PPP2R2C: variants seen among roughly 807,000 people sequenced by gnomAD.
PPP2R2C encodes the protein protein phosphatase 2 regulatory subunit Bgamma, also known as protein phosphatase 2, regulatory subunit B, gamma.
Under a neutral mutation model 45.3 loss-of-function variants are expected in PPP2R2C, and 10 were observed. The ratio of observed to expected loss-of-function variants is 0.22; its 90% confidence interval spans 0.14 to 0.37. The LOEUF is 0.37. PPP2R2C is among the 10% of genes least tolerant of loss of function. The probability of loss-of-function intolerance (pLI) is 1.00; values close to 1 mark genes in which losing one functional copy is unlikely to be tolerated. For synonymous variants in PPP2R2C, 257 were observed against 245.4 expected (o/e 1.05, Z -0.44); for missense variants, 308 against 619.7 (o/e 0.50, Z 5.34).
intron 1 of PPP2R2C, among the ~76,000 whole-genome samples, chr4:6,557,500 A>G (rs1046277688): frequency 3.3e-5 from 5 of 152,172 alleles, no homozygotes; most frequent in African/African-American, 9.7e-5. Flanking sequence ...CTCTGGAGAG[A>G]GGACATGGAA....
intron 5 of PPP2R2C, among the ~76,000 whole-genome samples, chr4:6,362,067 T>C (rs1372280558): frequency 2.7e-5 from 4 of 149,374 alleles, no homozygotes; most frequent in African/African-American, 9.9e-5. Context: ...AGAGGGGGAG[T>C]GCAAGGCTCA....
chr4:6,390,097 G>A (rs1716496770), intron 1 of PPP2R2C, among the ~76,000 whole-genome samples: 1 of 152,182 alleles, frequency 6.6e-6, no homozygotes, highest in Non-Finnish European at 1.5e-5. Context: ...GGAGTTTGGG[G>A]TCTGATTCTG....
chr4:6,449,340 C>T (rs1050276482), intron 1 of PPP2R2C, among the ~76,000 whole-genome samples: 2 of 152,210 alleles, frequency 1.3e-5, no homozygotes, highest in African/African-American at 2.4e-5. Context: ...AGAGAACAGG[C>T]GCGTCTCTAA....
In PPP2R2C at chr4:6,363,814, A is replaced by G. The variant is rs77485999; in HGVS notation, c.625+8709T>C. 5.5e-3 allele frequency among the ~76,000 whole-genome samples: 842 copies of G among 152,226 alleles called. 3 individuals carry two copies. Among genetic ancestry groups the G allele is most frequent in the Middle Eastern group, 0.054 (16 of 294 alleles). On this transcript the variant is annotated intron_variant, in intron 5 of 8. Transcript: ENST00000382599. ...TCTAAATGAAAGCCAGTTTCAGGAC[A>G]CCAGTCCAGCCAAGAGAAGGGGAAA...
intron 1 of PPP2R2C, among the ~76,000 whole-genome samples, chr4:6,437,427 T>C (rs1719945244): frequency 1.3e-5 from 2 of 152,216 alleles, no homozygotes; most frequent in African/African-American, 4.8e-5. Context: ...TTCAACTGTT[T>C]CATTTTAAAG....
At chr4:6,414,070 C>G (rs1204229966) in intron 1 of PPP2R2C, 19 of 1,202,240 alleles carry the variant, frequency 1.6e-5, no homozygotes, top group Admixed American at 3.5e-5. Flanking sequence ...TAAGTTTTGC[C>G]TGTGTATGTG....
Position 6,330,436 on chromosome 4 carries a change from G to A in PPP2R2C, c.961-1083C>T, listed in dbSNP as rs1732315826. 6.6e-6 allele frequency among the ~76,000 whole-genome samples: 1 copy of A among 152,156 alleles called. No homozygotes were observed. Among genetic ancestry groups the A allele is most frequent in the Admixed American group, 6.5e-5 (1 of 15,278 alleles). ...TGTTTCTGTGAAGACATTTTGTAGG[G>A]GAGGTTAACATTTAAGCTGATATAC... is the stretch of plus-strand genomic sequence containing the variant. On this transcript the variant is annotated intron_variant, in intron 7 of 8. Transcript: ENST00000382599. The surrounding 1 kb of genome is among the most constrained non-coding windows in gnomAD (Gnocchi z 7.0).
upstream of PPP2R2C, among the ~76,000 whole-genome samples, chr4:6,472,665 G>A (rs1258641711): frequency 6.7e-6 from 1 of 150,110 alleles, no homozygotes; most frequent in East Asian, 1.9e-4. Flanking sequence ...CCTCCCTCGC[G>A]CCGCCCGCTC....
chr4:6,514,286 C>A (rs1723764132), intron 2 of PPP2R2C, among the ~76,000 whole-genome samples: 1 of 152,150 alleles, frequency 6.6e-6, no homozygotes, highest in African/African-American at 2.4e-5. Flanking sequence ...AGTTGGTATT[C>A]TCTTTGGTTC....
chr4:6,434,415 G>A (rs1719791886), intron 1 of PPP2R2C, among the ~76,000 whole-genome samples: 1 of 144,166 alleles, frequency 6.9e-6, no homozygotes, highest in South Asian at 2.2e-4. Context: ...CTAGAGTGCA[G>A]TGGCGTGATC....
At chr4:6,486,965 A>G (rs1263442969) in intron 2 of PPP2R2C, among the ~76,000 whole-genome samples, 2 of 151,930 alleles carry the variant, frequency 1.3e-5, no homozygotes, top group African/African-American at 4.8e-5. Context: ...GCATTGTTCA[A>G]TTATTCCATT....
At chr4:6,500,564 T>A (rs1345981824) in intron 2 of PPP2R2C, among the ~76,000 whole-genome samples, 2 of 152,168 alleles carry the variant, frequency 1.3e-5, no homozygotes, top group East Asian at 3.9e-4. Context: ...AAGGGGCCCA[T>A]CACAGGGGAC....
intron 1 of PPP2R2C, among the ~76,000 whole-genome samples, chr4:6,552,105 C>A (rs950594079): frequency 6.6e-6 from 1 of 152,232 alleles, no homozygotes; most frequent in African/African-American, 2.4e-5. Context: ...ACTTTTGCCA[C>A]AAGGGGAGAC....
chr4:6,396,769 G>A (rs766427549), intron 1 of PPP2R2C, among the ~76,000 whole-genome samples: 23 of 152,250 alleles, frequency 1.5e-4, no homozygotes, highest in Admixed American at 7.2e-4. Context: ...AGGTCTTCGG[G>A]TTGGGGCTGG....
intron 5 of PPP2R2C, among the ~76,000 whole-genome samples, chr4:6,363,018 G>A (rs777242170): frequency 3.3e-5 from 5 of 152,176 alleles, no homozygotes; most frequent in Non-Finnish European, 7.3e-5. Context: ...CATCGGCAGC[G>A]TGCTCAGAAC....
intron 1 of PPP2R2C, among the ~76,000 whole-genome samples, chr4:6,415,126 C>A (rs1011881778): frequency 6.6e-6 from 1 of 152,260 alleles, no homozygotes; most frequent in Middle Eastern, 3.2e-3. Flanking sequence ...AGTGCATGCG[C>A]CTCGTCCGCA....
intron 2 of PPP2R2C, among the ~76,000 whole-genome samples, chr4:6,533,651 G>A (rs1254968018): frequency 6.6e-6 from 1 of 152,184 alleles, no homozygotes; most frequent in Non-Finnish European, 1.5e-5. Context: ...CCAAATGCAG[G>A]ATTGCAGACT....
At chr4:6,383,555 C>T in intron 1 of PPP2R2C, 3 of 683,982 alleles carry the variant, frequency 4.4e-6, no homozygotes, top group Non-Finnish European at 6.5e-6. Flanking sequence ...CAGCATGGCT[C>T]CTTCCTATTC....
At chr4:6,334,506 C>A (rs79320707) in intron 6 of PPP2R2C, among the ~76,000 whole-genome samples, 3,618 of 152,244 alleles carry the variant, frequency 0.024, 134 homozygotes, top group African/African-American at 0.081. Context: ...CCTTCCTGAG[C>A]TGCAGAAGTT....
Sources: gnomAD v4.1 joint callset for allele counts (sites outside exome capture counted in the v4.1 genomes callset) on GRCh38, gnomAD v4.1.1 for gene constraint, Gnocchi (gnomAD v3.1) non-coding constraint, MANE v1.5 for transcripts, NCBI Gene and HGNC (gene_info 2026-07-23, HGNC 2026-07-21) for gene names.